The following PTPRG variants were observed in gnomAD, a reference collection of about 807,000 sequenced individuals.
PTPRG encodes receptor-type tyrosine-protein phosphatase gamma.
PTPRG carries 102 observed loss-of-function variants against 165.3 expected under a neutral mutation model. The observed-to-expected ratio is 0.62, with a 90% CI of 0.53 to 0.73. The LOEUF (loss-of-function observed/expected upper bound fraction) is 0.73. PTPRG is among the 30% of genes least tolerant of loss of function. The pLI, the probability that PTPRG is intolerant of heterozygous loss-of-function variation, is 0.00. For synonymous variants in PTPRG, 675 were observed against 669.5 expected (o/e 1.01, Z -0.13); for missense variants, 1,866 against 1,861.4 (o/e 1.00, Z -0.05).
intron 2 of PTPRG, among the ~76,000 whole-genome samples, chr3:61,966,422 TGATGGAATGTTCATTCA>T (rs566691342): frequency 6.6e-5 from 10 of 152,192 alleles, no homozygotes. Context: ...GGCTCTGTCC[TGATGGAATGTTCATTCA>T]GATGGAATGT....
intron 2 of PTPRG, among the ~76,000 whole-genome samples, chr3:61,934,909 T>A (rs953637773): frequency 8.5e-5 from 13 of 152,222 alleles, no homozygotes; most frequent in African/African-American, 2.9e-4. Flanking sequence ...GGCTGGCACA[T>A]CATGATGCAT....
At chr3:61,651,234 G>T (rs1368133873) in intron 1 of PTPRG, among the ~76,000 whole-genome samples, 1 of 151,888 alleles carries the variant, frequency 6.6e-6, no homozygotes, top group Admixed American at 6.6e-5. Flanking sequence ...AGACCATCTG[G>T]TATCTTGGTA....
intron 2 of PTPRG, among the ~76,000 whole-genome samples, chr3:61,918,561 A>G (rs192372876): frequency 7.2e-4 from 110 of 152,328 alleles, no homozygotes; most frequent in Admixed American, 4.6e-3. Context: ...GATAGGAAAT[A>G]GTATGGAAAA....
intron 1 of PTPRG, chr3:61,742,823 T>A: frequency 2.5e-6 from 4 of 1,602,880 alleles, no homozygotes; most frequent in Non-Finnish European, 3.4e-6. Flanking sequence ...AGTTTTTTAT[T>A]CTTTTTGAGT....
rs72878420 is a variant in PTPRG at position 61,693,686 on chromosome 3, C to G, written c.86-55192C>G. ...AGACGTATTGAAATCTGACTCCAGG[C>G]TTGTGTGTGGAGAGGAATTAAGAGA... On this transcript the variant is annotated intron_variant, in intron 1 of 29. Transcript: ENST00000474889. Among the ~76,000 whole-genome samples, 277 of 152,116 alleles carry G rather than the reference C, an allele frequency of 1.8e-3. 2 individuals carry two copies. The highest frequency in any genetic ancestry group is 6.4e-3 in the African/African-American group (267 of 41,504).
rs940705536 is a variant in PTPRG at position 62,229,195 on chromosome 3, G to A, written c.2289-2030G>A. On this transcript the variant is annotated intron_variant, in intron 13 of 29. Transcript: ENST00000474889. This position sits in a 1 kb window ranked among gnomAD's most constrained non-coding sequence, Gnocchi z 4.6. ...TGAGATGCTAAAAGAGATGGGGGTA[G>A]GGAGTCTTTTGAGGTCCCCAAACTG... Among the ~76,000 whole-genome samples the A allele has an allele frequency of 2.0e-5, 3 of 152,140 alleles. No individual in the cohort carries two copies. The highest frequency in any genetic ancestry group is 7.2e-5 in the African/African-American group (3 of 41,418).
intron 1 of PTPRG, among the ~76,000 whole-genome samples, chr3:61,596,493 T>G (rs1700703883): frequency 6.6e-6 from 1 of 152,218 alleles, no homozygotes; most frequent in African/African-American, 2.4e-5. Flanking sequence ...ATGACCTCTT[T>G]ATTTGACAAA....
At chr3:62,019,562 C>G (rs1400545495) in intron 4 of PTPRG, among the ~76,000 whole-genome samples, 3 of 149,554 alleles carry the variant, frequency 2.0e-5, no homozygotes, top group African/African-American at 7.4e-5. Flanking sequence ...AGAATAAGCT[C>G]AGGAGATCTG....
At chr3:61,621,220 C>T (rs573464916) in intron 1 of PTPRG, among the ~76,000 whole-genome samples, 4 of 152,034 alleles carry the variant, frequency 2.6e-5, no homozygotes, top group African/African-American at 7.2e-5. Flanking sequence ...TTGTCTTATG[C>T]ACCCCTGGAT....
At chr3:61,910,843 G>A (rs867714713) in intron 2 of PTPRG, among the ~76,000 whole-genome samples, 10 of 152,276 alleles carry the variant, frequency 6.6e-5, no homozygotes, top group Middle Eastern at 6.8e-3. Flanking sequence ...AACTGTCAGG[G>A]GCTTCCCTTG....
intron 2 of PTPRG, among the ~76,000 whole-genome samples, chr3:61,865,416 A>G (rs571592791): frequency 1.3e-5 from 2 of 152,334 alleles, no homozygotes; most frequent in East Asian, 3.9e-4. Context: ...GAAACGGGAT[A>G]TTAGAGTTCT....
chr3:61,673,485 A>G (rs891461115), intron 1 of PTPRG, among the ~76,000 whole-genome samples: 1 of 152,210 alleles, frequency 6.6e-6, no homozygotes, highest in East Asian at 1.9e-4. Flanking sequence ...TTTCAATGCT[A>G]TTATTATTGA....
intron 2 of PTPRG, among the ~76,000 whole-genome samples, chr3:61,941,674 A>T (rs9881604): frequency 0.35 from 53,005 of 151,980 alleles, 10,556 homozygotes; most frequent in African/African-American, 0.53. Flanking sequence ...AAAATATGAC[A>T]TTTTGCTGAA....
At chr3:61,590,981 A>C (rs1005215823) in intron 1 of PTPRG, among the ~76,000 whole-genome samples, 6 of 152,148 alleles carry the variant, frequency 3.9e-5, no homozygotes, top group Admixed American at 1.3e-4. Flanking sequence ...ATGATGGTGC[A>C]TGCCTGTAAT....
intron 1 of PTPRG, among the ~76,000 whole-genome samples, chr3:61,670,396 C>A (rs1702937759): frequency 6.6e-6 from 1 of 152,166 alleles, no homozygotes; most frequent in African/African-American, 2.4e-5. Flanking sequence ...TTCAGACATA[C>A]CTGAGTTACT....
intron 2 of PTPRG, among the ~76,000 whole-genome samples, chr3:61,832,693 A>G (rs1190214756): frequency 1.3e-5 from 2 of 152,182 alleles, no homozygotes; most frequent in African/African-American, 4.8e-5. Flanking sequence ...CTTTTTTAAA[A>G]AAAATATTTA....
intron 2 of PTPRG, among the ~76,000 whole-genome samples, chr3:61,896,511 C>T (rs1162778633): frequency 6.6e-6 from 1 of 152,190 alleles, no homozygotes; most frequent in Non-Finnish European, 1.5e-5. Flanking sequence ...CTGCTGGGAA[C>T]ATGTGTGTAC....
At position 61,708,679 on chromosome 3, in the gene PTPRG, G is replaced by A. The variant is rs542982836; in HGVS notation, c.86-40199G>A. Among the ~76,000 whole-genome samples, 95 of 151,732 alleles carry A rather than the reference G, an allele frequency of 6.3e-4. 1 individual carries two copies. The highest frequency in any genetic ancestry group is 2.2e-3 in the African/African-American group (92 of 41,386). On this transcript the variant is annotated intron_variant, in intron 1 of 29. Coordinates refer to ENST00000474889, the MANE Select transcript of PTPRG (RefSeq NM_002841.4). ...TCACTGTGTTAGCCAGGATGGTCTC[G>A]ATCTCCTGACCTCATGATCCGCCCG...
In PTPRG at chr3:62,224,175, G is replaced by A. The variant is rs541969402; in HGVS notation, c.2288+5192G>A. 1.1e-3 allele frequency among the ~76,000 whole-genome samples: 167 copies of A among 152,104 alleles called. 1 individual carries two copies. Among genetic ancestry groups the A allele is most frequent in the African/African-American group, 3.9e-3 (162 of 41,480 alleles). ...TAAAGACATGACCCCACTCCCACCC[G>A]CAACCCCAGGAAACAACTCTGAAGC... On this transcript the variant is annotated intron_variant, in intron 13 of 29. Transcript: ENST00000474889. The surrounding 1 kb of genome is among the most constrained non-coding windows in gnomAD (Gnocchi z 4.9).
Sources: gnomAD v4.1 joint callset for allele counts (sites outside exome capture counted in the v4.1 genomes callset) on GRCh38, gnomAD v4.1.1 for gene constraint, Gnocchi (gnomAD v3.1) non-coding constraint, MANE v1.5 for transcripts, NCBI Gene and HGNC (gene_info 2026-07-23, HGNC 2026-07-21) for gene names.